Variants in EMCN observed in about 807,000 individuals in gnomAD.
EMCN encodes the protein MUC-14.
In EMCN, 37 loss-of-function variants were observed where a neutral mutation model predicts 38.4. That is an observed-to-expected ratio of 0.96 (90% CI 0.74 to 1.27). The LOEUF (loss-of-function observed/expected upper bound fraction) is 1.27, where lower values mean the gene tolerates loss of function less well. Among genes scored for constraint, EMCN ranks in the 50% most tolerant of loss-of-function variants. The pLI, the probability that EMCN is intolerant of heterozygous loss-of-function variation, is 0.00. For synonymous variants in EMCN, 95 were observed against 100.8 expected (o/e 0.94, Z 0.35); for missense variants, 318 against 302.8 (o/e 1.05, Z -0.37).
At chr4:100,462,800 A>G (rs569502187) in intron 4 of EMCN, among the ~76,000 whole-genome samples, 1 of 152,158 alleles carries the variant, frequency 6.6e-6, no homozygotes, top group Non-Finnish European at 1.5e-5. Context: ...GTAGTAGTTT[A>G]CAATTATGGT....
At chr4:100,433,605 G>A (rs944620286) in intron 5 of EMCN, among the ~76,000 whole-genome samples, 5 of 150,664 alleles carry the variant, frequency 3.3e-5, no homozygotes, top group African/African-American at 1.2e-4. Flanking sequence ...GTGCCATTTC[G>A]GCCCACTGCA....
chr4:100,499,292 T>C (rs975851138), intron 1 of EMCN, among the ~76,000 whole-genome samples: 1 of 152,198 alleles, frequency 6.6e-6, no homozygotes, highest in African/African-American at 2.4e-5. Flanking sequence ...TTTTAAGTGT[T>C]TTGTAGAACT....
At chr4:100,483,489 C>G (rs1468993781) in intron 1 of EMCN, 1 of 152,062 alleles carries the variant, frequency 6.6e-6, no homozygotes, top group Non-Finnish European at 1.5e-5. Context: ...AAATAGTTCA[C>G]TATTTTTTTC....
At chr4:100,488,927 G>A (rs1208560760) in intron 1 of EMCN, among the ~76,000 whole-genome samples, 3 of 152,004 alleles carry the variant, frequency 2.0e-5, no homozygotes, top group Non-Finnish European at 2.9e-5. Flanking sequence ...GTTGTTTTAA[G>A]TTACAGAAAA....
intron 1 of EMCN, 77 bp downstream of exon 1, chr4:100,517,774 C>T (rs1729797187): frequency 7.2e-7 from 1 of 1,380,616 alleles, no homozygotes; most frequent in African/African-American, 1.4e-5. Context: ...GGGAAGATCC[C>T]TGAAAGTAAA....
rs933178944 is a variant in EMCN at position 100,501,897 on chromosome 4, A to C, written c.64+15954T>G. Among the ~76,000 whole-genome samples the C allele has an allele frequency of 2.6e-5, 4 of 151,932 alleles. No homozygotes were observed. In the East Asian group the frequency reaches 7.7e-4, roughly 29 times the overall value. On this transcript the variant is annotated intron_variant, in intron 1 of 11. Coordinates refer to ENST00000296420, the MANE Select transcript of EMCN (RefSeq NM_016242.4). The stretch of plus-strand genomic sequence containing the variant: ...GTTCTCATAAATACTGTACTTAAAC[A>C]ATCATGTTTACATGGTGTCATTTGT...
intron 9 of EMCN, among the ~76,000 whole-genome samples, chr4:100,416,350 T>C (rs1726734470): frequency 6.6e-6 from 1 of 152,140 alleles, no homozygotes; most frequent in Non-Finnish European, 1.5e-5. Flanking sequence ...GACATAGAAA[T>C]GTTTACAAGC....
intron 5 of EMCN, among the ~76,000 whole-genome samples, chr4:100,436,419 T>C (rs1477692799): frequency 2.0e-5 from 3 of 152,182 alleles, no homozygotes; most frequent in Admixed American, 2.0e-4. Context: ...GGTAGGAGTG[T>C]AAATTAGTTC....
intron 1 of EMCN, among the ~76,000 whole-genome samples, chr4:100,499,865 GA>G (rs1729302680): frequency 6.6e-6 from 1 of 152,136 alleles, no homozygotes; most frequent in South Asian, 2.1e-4. Context: ...CCTACAAAAT[GA>G]CAAGCCTAAG....
intron 3 of EMCN, among the ~76,000 whole-genome samples, chr4:100,471,350 A>T (rs371640687): frequency 6.6e-6 from 1 of 151,930 alleles, no homozygotes; most frequent in African/African-American, 2.4e-5. Context: ...TCTAGATTAA[A>T]TGGGCAAATT....
At chr4:100,436,529 A>G (rs1727357421) in intron 5 of EMCN, among the ~76,000 whole-genome samples, 1 of 152,230 alleles carries the variant, frequency 6.6e-6, no homozygotes. Context: ...CCAAAGGAAT[A>G]TAAACCATCC....
intron 5 of EMCN, among the ~76,000 whole-genome samples, chr4:100,428,278 G>A (rs1727106561): frequency 6.6e-6 from 1 of 152,040 alleles, no homozygotes; most frequent in Non-Finnish European, 1.5e-5. Context: ...TTCTAGCTCT[G>A]CCTGGATGTT....
At chr4:100,406,827 G>C (rs1367395693) in intron 11 of EMCN, among the ~76,000 whole-genome samples, 1 of 152,032 alleles carries the variant, frequency 6.6e-6, no homozygotes, top group Non-Finnish European at 1.5e-5. Context: ...TCATCAGTGG[G>C]GTGTTGAAAT....
At chr4:100,430,116 C>T (rs975081747) in intron 5 of EMCN, among the ~76,000 whole-genome samples, 2 of 152,026 alleles carry the variant, frequency 1.3e-5, no homozygotes, top group African/African-American at 2.4e-5. Context: ...ATTTTCAAAC[C>T]CTTAAAAGAG....
intron 11 of EMCN, among the ~76,000 whole-genome samples, chr4:100,403,499 C>T (rs1197236985): frequency 1.5e-5 from 2 of 137,836 alleles, no homozygotes; most frequent in African/African-American, 3.1e-5. Flanking sequence ...AGGTTCATTC[C>T]ATGTCTCTCT....
intron 5 of EMCN, chr4:100,446,123 G>A (rs1469848047): frequency 1.0e-6 from 1 of 985,062 alleles, no homozygotes; most frequent in Non-Finnish European, 1.2e-6. Context: ...ACTTCTCCTT[G>A]ATAGTCAATC....
intron 1 of EMCN, among the ~76,000 whole-genome samples, chr4:100,499,655 C>A (rs550939388): frequency 6.6e-6 from 1 of 152,294 alleles, no homozygotes; most frequent in Non-Finnish European, 1.5e-5. Flanking sequence ...TCGTGACAAA[C>A]CTTTTGTCCT....
At chr4:100,444,683 G>A (rs768931442) in intron 5 of EMCN, among the ~76,000 whole-genome samples, 3 of 152,084 alleles carry the variant, frequency 2.0e-5, no homozygotes, top group Non-Finnish European at 4.4e-5. Context: ...TATATGGCTT[G>A]TTGCAGTGGT....
At chr4:100,517,586 G>C (rs973092890) in intron 1 of EMCN, among the ~76,000 whole-genome samples, 7 of 152,006 alleles carry the variant, frequency 4.6e-5, no homozygotes, top group Non-Finnish European at 1.0e-4. Flanking sequence ...ACTCTAAAGA[G>C]GCCATTGTAT....
Sources: gnomAD v4.1 joint callset for allele counts (sites outside exome capture counted in the v4.1 genomes callset) on GRCh38, gnomAD v4.1.1 for gene constraint, MANE v1.5 for transcripts, NCBI Gene and HGNC (gene_info 2026-07-23, HGNC 2026-07-21) for gene names.